The following LAMA2 variants were observed in gnomAD, a reference collection of about 807,000 sequenced individuals.
LAMA2 encodes the protein laminin subunit alpha 2.
Under a neutral mutation model 364.8 loss-of-function variants are expected in LAMA2, and 269 were observed. That is an observed-to-expected ratio of 0.74 (90% CI 0.67 to 0.82). LAMA2 has a LOEUF of 0.82. Ranked by LOEUF, LAMA2 falls within the 40% of genes least tolerant of loss-of-function variation. The pLI, the probability that LAMA2 is intolerant of heterozygous loss-of-function variation, is 0.00. For missense variants in LAMA2, 3,807 were observed against 3,873.2 expected, an observed-to-expected ratio of 0.98 and a Z score of 0.45; for synonymous variants, 1,379 against 1,370.6, an observed-to-expected ratio of 1.01 and a Z score of -0.14.
At chr6:129,019,692 G>T (rs1167537722) in intron 1 of LAMA2, among the ~76,000 whole-genome samples, 1 of 151,954 alleles carries the variant, frequency 6.6e-6, no homozygotes, top group Non-Finnish European at 1.5e-5. Flanking sequence ...TTTCCATGAG[G>T]GACTATTTAC....
chr6:129,254,895 T>C (rs1583349665), intron 14 of LAMA2, among the ~76,000 whole-genome samples: 2 of 152,204 alleles, frequency 1.3e-5, no homozygotes, highest in African/African-American at 4.8e-5. Flanking sequence ...AAGTGTATTT[T>C]CCTCTAACTT....
chr6:129,188,436 G>T (rs753764361), intron 10 of LAMA2, among the ~76,000 whole-genome samples: 8 of 151,906 alleles, frequency 5.3e-5, no homozygotes, highest in Non-Finnish European at 1.2e-4. Flanking sequence ...TAGAGTAAAT[G>T]AAAAGTAGAT....
chr6:128,884,417 G>T (rs1776031366), intron 1 of LAMA2, among the ~76,000 whole-genome samples: 1 of 152,112 alleles, frequency 6.6e-6, no homozygotes. Context: ...TTTTAATGAG[G>T]CTGAATCTGC....
chr6:128,884,345 T>G (rs1582596695), intron 1 of LAMA2, among the ~76,000 whole-genome samples: 1 of 152,216 alleles, frequency 6.6e-6, no homozygotes, highest in Admixed American at 6.5e-5. Flanking sequence ...TATTATTCGG[T>G]TTTAAATATG....
chr6:129,201,709 T>C (rs1245688606), intron 12 of LAMA2, among the ~76,000 whole-genome samples: 1 of 152,022 alleles, frequency 6.6e-6, no homozygotes, highest in East Asian at 1.9e-4. Context: ...CAATGTAAAA[T>C]TCATGATGTT....
intron 1 of LAMA2, among the ~76,000 whole-genome samples, chr6:128,951,181 A>G (rs1780795442): frequency 6.6e-6 from 1 of 152,156 alleles, no homozygotes; most frequent in Non-Finnish European, 1.5e-5. Context: ...ATGAATTTGA[A>G]AAGTAGTTTT....
chr6:129,374,310 G>C (rs1227977109), intron 34 of LAMA2, among the ~76,000 whole-genome samples: 2 of 152,102 alleles, frequency 1.3e-5, no homozygotes, highest in East Asian at 3.9e-4. Context: ...TTGTGACCAG[G>C]GTATGAGAAA....
chr6:129,231,430 A>G (rs546432323), intron 12 of LAMA2, among the ~76,000 whole-genome samples: 3 of 152,222 alleles, frequency 2.0e-5, no homozygotes, highest in Non-Finnish European at 2.9e-5. Context: ...TTTTGCCTGC[A>G]TTATCTGATT....
At chr6:129,397,807 G>C (rs1779737477) in intron 37 of LAMA2, among the ~76,000 whole-genome samples, 1 of 151,794 alleles carries the variant, frequency 6.6e-6, no homozygotes, top group South Asian at 2.1e-4. Context: ...AGGCGTGGTG[G>C]CAGGCACCTG....
chr6:128,985,620 G>A (rs150746507), intron 1 of LAMA2, among the ~76,000 whole-genome samples: 108 of 152,086 alleles, frequency 7.1e-4, no homozygotes, highest in African/African-American at 2.6e-3. Context: ...TGGAAGATAT[G>A]GTATAAGGAA....
intron 8 of LAMA2, among the ~76,000 whole-genome samples, chr6:129,157,215 C>T (rs1223123177): frequency 6.6e-6 from 1 of 152,062 alleles, no homozygotes; most frequent in African/African-American, 2.4e-5. Context: ...ATTCAGTACC[C>T]AGAGCTTGAC....
chr6:129,258,818 G>A (rs9492286), intron 14 of LAMA2, among the ~76,000 whole-genome samples: 39,841 of 151,780 alleles, frequency 0.26, 7,856 homozygotes, highest in African/African-American at 0.56. Context: ...TCCTCAGTGA[G>A]GGGGGAAAAA....
At chr6:129,086,158 G>A (rs1774372130) in intron 3 of LAMA2, among the ~76,000 whole-genome samples, 1 of 152,184 alleles carries the variant, frequency 6.6e-6, no homozygotes, top group Admixed American at 6.5e-5. Context: ...GTGTGATTTA[G>A]AAATATTTAA....
At chr6:128,974,382 A>G (rs1582802127) in intron 1 of LAMA2, among the ~76,000 whole-genome samples, 2 of 152,292 alleles carry the variant, frequency 1.3e-5, no homozygotes, top group East Asian at 1.9e-4. Context: ...AGGATCTGCA[A>G]CTCAAACACT....
rs543504268 is a variant in LAMA2, at chr6:129,088,991, G to A, written c.397-9182G>A. On this transcript the variant is annotated intron_variant, in intron 3 of 64. Coordinates refer to ENST00000421865, the MANE Select transcript of LAMA2 (RefSeq NM_000426.4). ...TGGGAGGTGGAGGTTGTAGCTAGCC[G>A]AGATCACACCACTGCACTCCAGCCT... 4.4e-3 allele frequency among the ~76,000 whole-genome samples: 485 copies of A among 109,530 alleles called. 4 individuals carry two copies. Among genetic ancestry groups the A allele is most frequent in the Non-Finnish European group, 5.2e-3 (232 of 44,502 alleles). 71.9% of individuals were successfully genotyped at this position (109,530 alleles called of 152,430 possible).
In LAMA2 at chr6:129,335,356, G is replaced by A. The variant is rs867506261; in HGVS notation, c.4311+6944G>A. Among the ~76,000 whole-genome samples, 7 of 148,480 alleles carry A rather than the reference G, an allele frequency of 4.7e-5. No homozygotes were observed. In the South Asian group the frequency reaches 1.3e-3, roughly 28 times the overall value. On this transcript the variant is annotated intron_variant, in intron 29 of 64. Transcript: ENST00000421865. ...GTACACACACATAGGTAGTAAGTAG[G>A]TAGATAGATAGATAGATAGATAGAT... is the stretch of plus-strand genomic sequence containing the variant.
intron 3 of LAMA2, among the ~76,000 whole-genome samples, chr6:129,076,324 C>T (rs529037165): frequency 6.6e-6 from 1 of 150,584 alleles, no homozygotes; most frequent in African/African-American, 2.4e-5. Context: ...TCAGCTATGG[C>T]AATGCAGATG....
At chr6:129,356,713 G>C (rs1777171910) in intron 32 of LAMA2, among the ~76,000 whole-genome samples, 1 of 151,972 alleles carries the variant, frequency 6.6e-6, no homozygotes, top group African/African-American at 2.4e-5. Flanking sequence ...TCCATGTTTA[G>C]AGCCCATTCT....
chr6:129,326,161 T>C (rs111723595), intron 28 of LAMA2, among the ~76,000 whole-genome samples: 28 of 152,278 alleles, frequency 1.8e-4, no homozygotes, highest in African/African-American at 4.6e-4. Context: ...CCCTTTTAAA[T>C]GCACACATAC....
Sources: allele counts gnomAD v4.1 joint callset (sites outside exome capture counted in the v4.1 genomes callset), GRCh38; gene constraint gnomAD v4.1.1; transcripts MANE v1.5; gene names NCBI Gene and HGNC (gene_info 2026-07-23, HGNC 2026-07-21).